DIP2C: variants seen among roughly 807,000 people sequenced by gnomAD.
DIP2C encodes the protein DIP2 acetate--CoA ligase C (putative).
Under a neutral mutation model 192.4 loss-of-function variants are expected in DIP2C, and 33 were observed. The ratio of observed to expected loss-of-function variants is 0.17; its 90% confidence interval spans 0.13 to 0.23. The LOEUF (loss-of-function observed/expected upper bound fraction) is 0.23. DIP2C is among the 10% of genes least tolerant of loss of function. The pLI is 1.00. For missense variants in DIP2C, 1,537 were observed against 2,110.1 expected (o/e 0.73, Z 5.32); for synonymous variants, 979 against 864.1 (o/e 1.13, Z -2.33).
chr10:472,776 G>T (rs569422309), intron 2 of DIP2C, among the ~76,000 whole-genome samples: 1 of 152,234 alleles, frequency 6.6e-6, no homozygotes, highest in South Asian at 2.1e-4. Context: ...CCCTTTCACA[G>T]CACAAAGGTC....
intron 1 of DIP2C, among the ~76,000 whole-genome samples, chr10:511,177 T>A (rs950449229): frequency 6.6e-6 from 1 of 152,214 alleles, no homozygotes; most frequent in African/African-American, 2.4e-5. Context: ...GTCGCGATGC[T>A]GCTTGGCCAG....
At chr10:676,047 C>A (rs1830863629) in intron 1 of DIP2C, among the ~76,000 whole-genome samples, 1 of 152,140 alleles carries the variant, frequency 6.6e-6, no homozygotes, top group Admixed American at 6.5e-5. Context: ...AACAGCAAAT[C>A]AAAAATATTA....
intron 1 of DIP2C, among the ~76,000 whole-genome samples, chr10:568,660 G>C (rs1390079589): frequency 6.6e-6 from 1 of 151,208 alleles, no homozygotes; most frequent in African/African-American, 2.4e-5. Context: ...CAGCTACTCG[G>C]GAGGCTGAGG....
chr10:581,476 T>C (rs1850660033), intron 1 of DIP2C, among the ~76,000 whole-genome samples: 20 of 152,198 alleles, frequency 1.3e-4, no homozygotes, highest in Admixed American at 1.3e-3. Flanking sequence ...TTTAAAGTTA[T>C]ATTTGAAGAT....
chr10:430,132 T>C (rs1966843500), intron 4 of DIP2C: 1 of 152,236 alleles, frequency 6.6e-6, no homozygotes, highest in Non-Finnish European at 1.5e-5. Flanking sequence ...CATTTCTCTA[T>C]GACATATGAT....
intron 1 of DIP2C, chr10:662,777 C>G: frequency 1.4e-6 from 1 of 695,206 alleles, no homozygotes; most frequent in South Asian, 1.6e-5. Context: ...CTTGTGTTGC[C>G]TATTCTCTTT....
intron 4 of DIP2C, among the ~76,000 whole-genome samples, chr10:433,492 C>CA (rs1966928862): frequency 1.3e-5 from 2 of 151,816 alleles, no homozygotes; most frequent in Admixed American, 1.3e-4. Context: ...GCTTGGCCAA[C>CA]ATAGTGAAAC....
chr10:438,946 C>CA (rs1320334105), intron 4 of DIP2C, among the ~76,000 whole-genome samples: 1 of 150,842 alleles, frequency 6.6e-6, no homozygotes, highest in Non-Finnish European at 1.5e-5. Flanking sequence ...CTCAGCCTCC[C>CA]AAGTAGCTGG....
intron 1 of DIP2C, among the ~76,000 whole-genome samples, chr10:579,743 A>T (rs1588507937): frequency 6.6e-6 from 1 of 152,128 alleles, no homozygotes; most frequent in African/African-American, 2.4e-5. Flanking sequence ...ATACATAGGT[A>T]CACTATAATG....
chr10:341,098 G>A (rs774084021), intron 29 of DIP2C, 101 bp downstream of exon 29: 3 of 1,517,936 alleles, frequency 2.0e-6, no homozygotes, highest in African/African-American at 2.7e-5. Context: ...TGGCAGGAGT[G>A]GGGGTGTGGG....
At chr10:360,515 C>T (rs1387629416) in intron 22 of DIP2C, among the ~76,000 whole-genome samples, 5 of 152,198 alleles carry the variant, frequency 3.3e-5, no homozygotes, top group Non-Finnish European at 7.3e-5. Context: ...TTGGCGAATT[C>T]GCTCAGGGCA....
intron 1 of DIP2C, among the ~76,000 whole-genome samples, chr10:561,337 T>G (rs1484179963): frequency 1.3e-5 from 2 of 152,212 alleles, no homozygotes; most frequent in African/African-American, 4.8e-5. Flanking sequence ...AATTGCCCAC[T>G]GTACGAGAAG....
intron 32 of DIP2C, among the ~76,000 whole-genome samples, chr10:297,404 TACC>T (rs1274121637): frequency 6.6e-6 from 1 of 151,988 alleles, no homozygotes; most frequent in Non-Finnish European, 1.5e-5. Flanking sequence ...TGATTCACAA[TACC>T]CAAGATATGA....
chr10:558,497 C>CG (rs1407168020), intron 1 of DIP2C, among the ~76,000 whole-genome samples: 4 of 151,968 alleles, frequency 2.6e-5, no homozygotes, highest in East Asian at 1.9e-4. Context: ...GATGTAGATA[C>CG]GGGGGGTGGA....
At chr10:576,200 T>C (rs748532120) in intron 1 of DIP2C, among the ~76,000 whole-genome samples, 9 of 152,220 alleles carry the variant, frequency 5.9e-5, no homozygotes, top group Non-Finnish European at 8.8e-5. Flanking sequence ...ATGGTATCAG[T>C]GGGGTTCTCC....
chr10:341,036 G>T, intron 29 of DIP2C, 163 bp downstream of exon 29: 1 of 1,017,836 alleles, frequency 9.8e-7, no homozygotes, highest in South Asian at 1.3e-5. Flanking sequence ...TTCCCCGAGA[G>T]CCAAGTCCAC....
intron 31 of DIP2C, chr10:325,124 GC>G (rs1564557647): frequency 8.5e-6 from 3 of 351,842 alleles, no homozygotes; most frequent in Non-Finnish European, 1.7e-5. Context: ...AATTAGCTGC[GC>G]TTGGTGGCGA....
chr10:324,038 G>A (rs1479597970), intron 31 of DIP2C, among the ~76,000 whole-genome samples: 1 of 152,134 alleles, frequency 6.6e-6, no homozygotes, highest in Non-Finnish European at 1.5e-5. Context: ...TCGCCCGCAC[G>A]ACTCCGCCCT....
intron 1 of DIP2C, among the ~76,000 whole-genome samples, chr10:646,525 T>C (rs1409715310): frequency 6.6e-6 from 1 of 152,260 alleles, no homozygotes; most frequent in Non-Finnish European, 1.5e-5. Flanking sequence ...AGGGCCTGCC[T>C]CATGGAGCCG....
Sources: gnomAD v4.1 joint callset for allele counts (sites outside exome capture counted in the v4.1 genomes callset) on GRCh38, gnomAD v4.1.1 for gene constraint, MANE v1.5 for transcripts, NCBI Gene and HGNC (gene_info 2026-07-23, HGNC 2026-07-21) for gene names.